The following CEP89 variants were observed in gnomAD, a reference collection of about 807,000 sequenced individuals.
The protein encoded by CEP89 is centrosomal protein 89.
A neutral mutation model predicts 97.6 loss-of-function variants in CEP89; 95 were observed. The observed-to-expected ratio is 0.97, with a 90% confidence interval of 0.82 to 1.15. The LOEUF is 1.15. Among genes scored for constraint, CEP89 ranks in the 50% most tolerant of loss-of-function variants. The pLI, the probability that CEP89 is intolerant of heterozygous loss-of-function variation, is 0.00. For missense variants in CEP89, 869 were observed against 947.7 expected (o/e 0.92, Z 1.09); for synonymous variants, 354 against 349.1 (o/e 1.01, Z -0.16).
chr19:32,882,042 G>C, intron 17 of CEP89, 29 bp from the exon 18 acceptor site: 3 of 1,544,308 alleles, frequency 1.9e-6, no homozygotes, highest in South Asian at 1.2e-5. Flanking sequence ...CTGTGAATGA[G>C]GGGACGCTGC....
At chr19:32,926,794 T>C (rs1459187041) in intron 10 of CEP89, 140 bp downstream of exon 10, 5 of 692,882 alleles carry the variant, frequency 7.2e-6, no homozygotes, top group Non-Finnish European at 1.3e-5. Flanking sequence ...ACCCTTGACC[T>C]CAACTGATCC....
intron 13 of CEP89, among the ~76,000 whole-genome samples, chr19:32,916,365 T>C (rs1970127138): frequency 6.6e-6 from 1 of 152,204 alleles, no homozygotes; most frequent in Non-Finnish European, 1.5e-5. Context: ...TAAAATCCAC[T>C]ATAATATTTT....
intron 12 of CEP89, among the ~76,000 whole-genome samples, chr19:32,921,883 G>A (rs1205208776): frequency 1.3e-5 from 2 of 152,182 alleles, no homozygotes; most frequent in Non-Finnish European, 2.9e-5. Context: ...GAATGCTGTT[G>A]ACTCAATTCC....
In CEP89 at chr19:32,931,487, C is replaced by T. The variant is rs1407493108; in HGVS notation, c.971G>A (p.Arg324His). 19 of 1,594,970 alleles carry T rather than the reference C, an allele frequency of 1.2e-5. No homozygotes were observed. Among genetic ancestry groups the T allele is most frequent in the Non-Finnish European group, 1.5e-5 (18 of 1,175,442 alleles). Residue 324 changes from arginine (R) to histidine (H), a missense_variant, in exon 9 of 19, where the codon CGT becomes CAT. By Grantham distance (29) the Arg-to-His change is conservative. Coordinates refer to ENST00000305768, the MANE Select transcript of CEP89 (RefSeq NM_032816.5). ...ATATCGACTGAGTTCTACATTCAAA[C>T]GATGGACAGTCATTTTCAATCCATC... is the stretch of plus-strand genomic sequence containing the variant. ...ENDGLKMTVHRLNVELSRYQT... is the reference protein window; with the variant it reads ...ENDGLKMTVHHLNVELSRYQT...
intron 5 of CEP89, among the ~76,000 whole-genome samples, chr19:32,940,465 C>T (rs1245790657): frequency 2.7e-5 from 4 of 150,896 alleles, no homozygotes; most frequent in Non-Finnish European, 4.4e-5. Flanking sequence ...CTTCCCATGC[C>T]GGGCTCCTCC....
intron 16 of CEP89, among the ~76,000 whole-genome samples, chr19:32,891,074 A>T (rs1397974420): frequency 6.6e-6 from 1 of 152,202 alleles, no homozygotes; most frequent in Non-Finnish European, 1.5e-5. Context: ...GGTGCAGTGC[A>T]CTGAAGAGGC....
intron 13 of CEP89, among the ~76,000 whole-genome samples, chr19:32,917,576 G>A (rs1282972583): frequency 6.6e-6 from 1 of 152,184 alleles, no homozygotes; most frequent in African/African-American, 2.4e-5. Flanking sequence ...CACTAAGAAA[G>A]AAAAATCAGT....
At chr19:32,952,408 G>A (rs944282327) in intron 4 of CEP89, among the ~76,000 whole-genome samples, 4 of 151,746 alleles carry the variant, frequency 2.6e-5, no homozygotes, top group African/African-American at 7.3e-5. Flanking sequence ...TTGAGCCCAG[G>A]AGGAGGTGGC....
At chr19:32,904,387 T>G (rs1393301952) in intron 14 of CEP89, among the ~76,000 whole-genome samples, 2 of 152,112 alleles carry the variant, frequency 1.3e-5, no homozygotes, top group East Asian at 3.9e-4. Flanking sequence ...ACCCACAAAC[T>G]ACCAAAAACC....
chr19:32,958,998 CAA>C (rs1258723770), intron 3 of CEP89, among the ~76,000 whole-genome samples: 1 of 148,214 alleles, frequency 6.7e-6, no homozygotes, highest in African/African-American at 2.5e-5. Context: ...GTCTGGGCAA[CAA>C]GAGTGAAATT....
intron 13 of CEP89, 68 bp downstream of exon 13, chr19:32,918,156 A>C: frequency 6.2e-5 from 76 of 1,217,258 alleles, no homozygotes; most frequent in Non-Finnish European, 7.7e-5. Context: ...CCGGCAGGAG[A>C]GAGATAGAAG....
intron 14 of CEP89, among the ~76,000 whole-genome samples, chr19:32,913,300 TA>T (rs1568556611): frequency 6.5e-5 from 2 of 30,772 alleles, no homozygotes; most frequent in Admixed American, 5.8e-4. Flanking sequence ...TATATATATA[TA>T]TATATTTTTT....
intron 2 of CEP89, chr19:32,966,022 GA>G (rs1023437101): frequency 7.9e-4 from 129 of 163,946 alleles, no homozygotes; most frequent in Non-Finnish European, 1.2e-3. Context: ...CGTTTCGAAG[GA>G]AAAAAAAAAG....
chr19:32,885,919 C>T (rs1969385059), intron 17 of CEP89, among the ~76,000 whole-genome samples: 1 of 152,042 alleles, frequency 6.6e-6, no homozygotes, highest in South Asian at 2.1e-4. Context: ...TCCCTTATTG[C>T]GCTGTTATGA....
chr19:32,917,362 T>C, intron 13 of CEP89, among the ~76,000 whole-genome samples: 1 of 152,170 alleles, frequency 6.6e-6, no homozygotes, highest in Admixed American at 6.5e-5. Flanking sequence ...CTCTCATCTT[T>C]AAACACGACC....
chr19:32,940,996 G>A, intron 5 of CEP89, among the ~76,000 whole-genome samples: 1 of 152,020 alleles, frequency 6.6e-6, no homozygotes, highest in East Asian at 1.9e-4. Context: ...CCTGACCTCA[G>A]ATAATCCACC....
At chr19:32,923,806 T>C (rs1489178111) in intron 11 of CEP89, among the ~76,000 whole-genome samples, 1 of 152,138 alleles carries the variant, frequency 6.6e-6, no homozygotes, top group African/African-American at 2.4e-5. Context: ...AGATTCCTAA[T>C]TTGCTAACAT....
chr19:32,898,605 G>C (rs369028102), intron 16 of CEP89, among the ~76,000 whole-genome samples: 1 of 152,134 alleles, frequency 6.6e-6, no homozygotes, highest in Non-Finnish European at 1.5e-5. Flanking sequence ...TGCTCAGCTG[G>C]GTGTGGTGGC....
intron 14 of CEP89, among the ~76,000 whole-genome samples, chr19:32,912,345 A>G (rs1198755971): frequency 6.6e-6 from 1 of 152,212 alleles, no homozygotes; most frequent in Non-Finnish European, 1.5e-5. Context: ...GATGTCGTTA[A>G]CATTTACAAT....
Sources: gnomAD v4.1 joint callset for allele counts (sites outside exome capture counted in the v4.1 genomes callset) on GRCh38, gnomAD v4.1.1 for gene constraint, MANE v1.5 for transcripts, NCBI Gene and HGNC (gene_info 2026-07-23, HGNC 2026-07-21) for gene names.